SIDT1: variants seen among roughly 807,000 people sequenced by gnomAD.
SIDT1 encodes SID1 transmembrane family, member 1.
A neutral mutation model predicts 107.5 loss-of-function variants in SIDT1; 101 were observed. The observed-to-expected ratio is 0.94, with a 90% CI of 0.80 to 1.11. SIDT1 has a LOEUF of 1.11. Ranked by LOEUF, SIDT1 falls within the 50% of genes least tolerant of loss-of-function variation. The pLI, the probability that SIDT1 is intolerant of heterozygous loss-of-function variation, is 0.00. For missense variants in SIDT1, 1,076 were observed against 1,058.2 expected (o/e 1.02, Z -0.23); for synonymous variants, 395 against 398.2 (o/e 0.99, Z 0.10).
intron 13 of SIDT1, among the ~76,000 whole-genome samples, chr3:113,604,359 A>T (rs964902327): frequency 3.3e-5 from 5 of 152,202 alleles, no homozygotes; most frequent in Non-Finnish European, 7.3e-5. Context: ...AGAAGGAAAT[A>T]AGGGACAATG....
chr3:113,615,171 T>G, intron 19 of SIDT1: 1 of 1,345,294 alleles, frequency 7.4e-7, no homozygotes, highest in South Asian at 1.3e-5. Context: ...CTGAACAGCC[T>G]CTTTCAGGCC....
chr3:113,586,647 T>C (rs1943764404), intron 9 of SIDT1, among the ~76,000 whole-genome samples: 1 of 152,028 alleles, frequency 6.6e-6, no homozygotes, highest in Non-Finnish European at 1.5e-5. Context: ...GTGGAAAAAA[T>C]AGTAGATATA....
chr3:113,596,864 C>T (rs191493403), intron 10 of SIDT1, among the ~76,000 whole-genome samples: 77 of 152,154 alleles, frequency 5.1e-4, no homozygotes, highest in Admixed American at 3.3e-4. Flanking sequence ...CAGGCCTAAT[C>T]GGTTGTAGAT....
chr3:113,592,927 A>C (rs1182470379), intron 9 of SIDT1, 78 bp from the exon 10 acceptor site: 5 of 1,200,956 alleles, frequency 4.2e-6, no homozygotes, highest in Non-Finnish European at 6.2e-6. Flanking sequence ...ACAAATCCGC[A>C]ACAAAATCTA....
rs1167200503 is a variant in SIDT1, at chr3:113,576,578, T to C, written c.516-344T>C. ...TCTCTTTCAGCCCACTTCTGTTACC[T>C]AAACCCTGTGCTTGATTGTAAAATC... On this transcript the variant is annotated intron_variant, in intron 3 of 24. Coordinates refer to ENST00000264852, the MANE Select transcript of SIDT1 (RefSeq NM_017699.3). 2.6e-5 allele frequency among the ~76,000 whole-genome samples: 4 copies of C among 152,180 alleles called. No homozygotes were observed. The East Asian group carries it at 7.7e-4, about 29-fold the overall frequency.
chr3:113,561,878 G>A (rs1214392243), intron 1 of SIDT1, among the ~76,000 whole-genome samples: 1 of 152,152 alleles, frequency 6.6e-6, no homozygotes, highest in Non-Finnish European at 1.5e-5. Context: ...AAGGGAGGAG[G>A]AGGTTGCATC....
intron 21 of SIDT1, among the ~76,000 whole-genome samples, chr3:113,621,258 T>G (rs991362481): frequency 7.9e-5 from 12 of 152,130 alleles, no homozygotes; most frequent in African/African-American, 2.4e-4. Context: ...CCTGGTATAC[T>G]AAAGATTTCA....
At chr3:113,555,721 G>A (rs1940781665) in intron 1 of SIDT1, among the ~76,000 whole-genome samples, 1 of 152,084 alleles carries the variant, frequency 6.6e-6, no homozygotes, top group Non-Finnish European at 1.5e-5. Flanking sequence ...GAATTTAAAA[G>A]TAAAGGGAAT....
At chr3:113,562,286 A>C (rs911794644) in intron 1 of SIDT1, among the ~76,000 whole-genome samples, 7 of 152,240 alleles carry the variant, frequency 4.6e-5, no homozygotes, top group Non-Finnish European at 1.0e-4. Flanking sequence ...AAAATGATGT[A>C]ACTCTTTGGA....
chr3:113,635,642 G>A, the SIDT1 span, among the ~76,000 whole-genome samples: 11 of 152,110 alleles, frequency 7.2e-5, 1 homozygote, highest in South Asian at 6.2e-4. Flanking sequence ...TGAGGCAAGC[G>A]GATCACAAGA....
chr3:113,597,367 T>G (rs1232329372), intron 10 of SIDT1, among the ~76,000 whole-genome samples: 2 of 151,910 alleles, frequency 1.3e-5, no homozygotes, highest in Non-Finnish European at 2.9e-5. Context: ...CATGGTGGCA[T>G]GTACCTGTAG....
chr3:113,552,698 G>A (rs1429430771), intron 1 of SIDT1, among the ~76,000 whole-genome samples: 3 of 152,030 alleles, frequency 2.0e-5, no homozygotes, highest in Admixed American at 2.0e-4. Flanking sequence ...CGCTGCTGTG[G>A]ACCCTATTGA....
chr3:113,636,383 A>G, the SIDT1 span, among the ~76,000 whole-genome samples: 1 of 152,206 alleles, frequency 6.6e-6, no homozygotes, highest in East Asian at 1.9e-4. Flanking sequence ...AGCCTGGACA[A>G]TAGAGCGAGA....
At chr3:113,607,799 TC>T (rs928798660) in intron 15 of SIDT1, among the ~76,000 whole-genome samples, 8 of 152,168 alleles carry the variant, frequency 5.3e-5, no homozygotes, top group African/African-American at 1.9e-4. Flanking sequence ...CAGCTGTCTT[TC>T]CCAGGATTCA....
At chr3:113,613,854 A>G (rs1434658738) in intron 19 of SIDT1, among the ~76,000 whole-genome samples, 1 of 152,250 alleles carries the variant, frequency 6.6e-6, no homozygotes, top group Non-Finnish European at 1.5e-5. Flanking sequence ...CTTATCTTTT[A>G]AAAGAAGTGA....
chr3:113,583,429 G>C lies in SIDT1; in HGVS notation c.768G>C (p.Glu256Asp). The change falls in exon 7 of 25, where the codon GAG (glutamate) becomes GAC (aspartate). Residue 256 changes from glutamate (E) to aspartate (D), a missense_variant. Transcript: ENST00000264852. ...TGCAGAAGAAGGATTTTCCAGGCGA[G>C]CAGTTCTTCGTGGTATTTGTGATAA... is the stretch of plus-strand genomic sequence containing the variant. ...ITLQKKDFPG[E>D]QFFVVFVIKP... is the part of the protein sequence containing the mutation. 6.3e-7 allele frequency: 1 copy of C among 1,598,198 alleles called. No homozygotes were observed. The highest frequency in any genetic ancestry group is 8.6e-7 in the Non-Finnish European group (1 of 1,168,904).
intron 3 of SIDT1, among the ~76,000 whole-genome samples, chr3:113,568,538 G>A (rs534418507): frequency 6.6e-6 from 1 of 150,738 alleles, no homozygotes; most frequent in African/African-American, 2.4e-5. Flanking sequence ...AGCTTGCAGT[G>A]AGCCGAGATC....
chr3:113,551,730 G>T (rs1940259064), intron 1 of SIDT1, among the ~76,000 whole-genome samples: 1 of 152,014 alleles, frequency 6.6e-6, no homozygotes, highest in South Asian at 2.1e-4. Context: ...CTATAAAGTT[G>T]TCAAATTTTC....
chr3:113,616,227 T>G (rs1232101050), intron 20 of SIDT1, 51 bp downstream of exon 20: 12 of 1,397,860 alleles, frequency 8.6e-6, no homozygotes, highest in Admixed American at 1.7e-5. Flanking sequence ...AGCAGGGGAA[T>G]AGTAGGAGGA....
Sources: allele counts gnomAD v4.1 joint callset (sites outside exome capture counted in the v4.1 genomes callset), GRCh38; gene constraint gnomAD v4.1.1; transcripts MANE v1.5; gene names NCBI Gene and HGNC (gene_info 2026-07-23, HGNC 2026-07-21).